Variants in ABCG2 observed in about 807,000 individuals in gnomAD.
ABCG2 encodes the protein ATP binding cassette subfamily G member 2 (JR blood group).
In ABCG2, 80 loss-of-function variants were observed where a neutral mutation model predicts 73.5. The observed-to-expected ratio is 1.09, with a 90% CI of 0.91 to 1.31. ABCG2 has a LOEUF of 1.31. Among genes scored for constraint, ABCG2 ranks in the 50% most tolerant of loss-of-function variants. The pLI, the probability that ABCG2 is intolerant of heterozygous loss-of-function variation, is 0.00. For missense variants in ABCG2, 796 were observed against 786.2 expected (o/e 1.01, Z -0.15); for synonymous variants, 269 against 282.4 (o/e 0.95, Z 0.48).
intron 2 of ABCG2, among the ~76,000 whole-genome samples, chr4:88,134,707 A>C (rs1725125565): frequency 1.3e-5 from 2 of 152,340 alleles, no homozygotes; most frequent in African/African-American, 4.8e-5. Flanking sequence ...TGAATGTTCT[A>C]AGACAAAGAG....
chr4:88,110,741 G>A (rs551637827), intron 9 of ABCG2, among the ~76,000 whole-genome samples: 17 of 151,942 alleles, frequency 1.1e-4, no homozygotes, highest in Non-Finnish European at 2.2e-4. Flanking sequence ...ACACTAAAAC[G>A]GTAGAGCTGA....
intron 1 of ABCG2, among the ~76,000 whole-genome samples, chr4:88,198,725 T>C (rs1056641322): frequency 2.0e-5 from 3 of 152,032 alleles, no homozygotes; most frequent in Admixed American, 1.3e-4. Flanking sequence ...GTCAAAAAAA[T>C]GCTAGAGATT....
At chr4:88,132,771 A>AAAAC in intron 2 of ABCG2, 136 bp from the exon 3 acceptor site, 1 of 975,982 alleles carries the variant, frequency 1.0e-6, no homozygotes, top group Non-Finnish European at 1.6e-6. Context: ...ACTCTTAAAG[A>AAAAC]AAACAAACAA....
intron 1 of ABCG2, among the ~76,000 whole-genome samples, chr4:88,227,206 G>T (rs1035166911): frequency 1.3e-5 from 2 of 152,152 alleles, no homozygotes; most frequent in East Asian, 1.9e-4. Flanking sequence ...CAGCCTGCCT[G>T]ACCAACATGG....
chr4:88,102,375 A>C (rs1290847725), intron 10 of ABCG2, among the ~76,000 whole-genome samples: 1 of 152,094 alleles, frequency 6.6e-6, no homozygotes, highest in East Asian at 1.9e-4. Flanking sequence ...GGTCGGGAGG[A>C]TCATGAGGTC....
chr4:88,228,923 T>C (rs13107048), intron 1 of ABCG2, among the ~76,000 whole-genome samples: 65,810 of 151,124 alleles, frequency 0.44, 14,604 homozygotes, highest in East Asian at 0.58. Flanking sequence ...AGCTAAAGGA[T>C]TGTAAATGCA....
At chr4:88,112,812 C>T (rs142968221) in intron 9 of ABCG2, among the ~76,000 whole-genome samples, 216 of 152,134 alleles carry the variant, frequency 1.4e-3, no homozygotes, top group African/African-American at 4.9e-3. Context: ...TAAGAAACCA[C>T]TAAAAAAAAG....
At chr4:88,221,419 T>C (rs1730008065) in intron 1 of ABCG2, among the ~76,000 whole-genome samples, 1 of 152,130 alleles carries the variant, frequency 6.6e-6, no homozygotes, top group African/African-American at 2.4e-5. Flanking sequence ...ACTTTGGAAC[T>C]GGGTAACAGG....
At chr4:88,218,356 T>G (rs4693206) in intron 1 of ABCG2, among the ~76,000 whole-genome samples, 151,753 of 152,358 alleles carry the variant, frequency 1, 75,579 homozygotes, top group East Asian at 1. Flanking sequence ...TAACAGCAGG[T>G]ATTTCTATTT....
At chr4:88,110,553 A>AG (rs1723070008) in intron 9 of ABCG2, among the ~76,000 whole-genome samples, 3 of 152,098 alleles carry the variant, frequency 2.0e-5, no homozygotes, top group South Asian at 4.1e-4. Context: ...AGAAAAAAAA[A>AG]GGGGGTCTTG....
intron 10 of ABCG2, among the ~76,000 whole-genome samples, chr4:88,102,459 G>A (rs1722491551): frequency 6.6e-6 from 1 of 151,990 alleles, no homozygotes; most frequent in African/African-American, 2.4e-5. Flanking sequence ...AGCTGGGCGT[G>A]GTGGCAGGTG....
At chr4:88,134,174 A>G (rs1165808502) in intron 2 of ABCG2, among the ~76,000 whole-genome samples, 1 of 152,220 alleles carries the variant, frequency 6.6e-6, no homozygotes, top group African/African-American at 2.4e-5. Context: ...AGACTATTTC[A>G]TTCTCAAATA....
chr4:88,227,313 T>G (rs923835207), intron 1 of ABCG2, among the ~76,000 whole-genome samples: 18 of 152,156 alleles, frequency 1.2e-4, no homozygotes, highest in Admixed American at 4.6e-4. Context: ...GGAGAACTGC[T>G]TGAACCCAGG....
At chr4:88,108,518 C>A (rs746930272) in intron 9 of ABCG2, among the ~76,000 whole-genome samples, 4 of 151,608 alleles carry the variant, frequency 2.6e-5, no homozygotes, top group East Asian at 3.9e-4. Flanking sequence ...GGCGACAGAG[C>A]GATACTGTCT....
At chr4:88,211,363 A>ACCCCCCCCC (rs34198736) in intron 1 of ABCG2, among the ~76,000 whole-genome samples, 1 of 47,530 alleles carries the variant, frequency 2.1e-5, no homozygotes, top group Non-Finnish European at 4.0e-5. Context: ...CCCCTGCCCC[A>ACCCCCCCCC]CCCCCCCCCA....
In ABCG2 at chr4:88,094,640, A is replaced by C; in HGVS notation, c.1757T>G (p.Phe586Cys). 1 of 1,613,908 alleles carries C rather than the reference A, an allele frequency of 6.2e-7. No individual in the cohort carries two copies. Residue 586 changes from phenylalanine (F) to cysteine (C), a missense_variant, in exon 15 of 16, where the codon TTT becomes TGT. Coordinates refer to ENST00000237612, the MANE Select transcript of ABCG2 (RefSeq NM_004827.3). ...YGFTALQHNE[F>C]LGQNFCPGLN... is the part of the protein sequence containing the mutation. ...TCCTGGGCAGAAGTTTTGTCCCAAA[A>C]ATTCATTATGCTGCAAAGCCTATAA...
chr4:88,222,212 G>A (rs907459640), intron 1 of ABCG2, among the ~76,000 whole-genome samples: 1 of 152,072 alleles, frequency 6.6e-6, no homozygotes, highest in Non-Finnish European at 1.5e-5. Flanking sequence ...CAAGAATTGA[G>A]TCTGGGAACC....
chr4:88,177,430 A>G (rs1728049204), intron 1 of ABCG2, among the ~76,000 whole-genome samples: 1 of 152,208 alleles, frequency 6.6e-6, no homozygotes, highest in South Asian at 2.1e-4. Flanking sequence ...AATTATGATT[A>G]TATTGTAGAA....
At chr4:88,136,520 A>T (rs1385344249) in intron 2 of ABCG2, among the ~76,000 whole-genome samples, 1 of 152,152 alleles carries the variant, frequency 6.6e-6, no homozygotes, top group Non-Finnish European at 1.5e-5. Flanking sequence ...TGCCTGGGAA[A>T]CATAGTGAAA....
Sources: gnomAD v4.1 joint callset for allele counts (sites outside exome capture counted in the v4.1 genomes callset) on GRCh38, gnomAD v4.1.1 for gene constraint, MANE v1.5 for transcripts, NCBI Gene and HGNC (gene_info 2026-07-23, HGNC 2026-07-21) for gene names.